Variants in TRDN observed in about 807,000 individuals in gnomAD.
TRDN encodes triadin in skeletal muscle.
A neutral mutation model predicts 149.7 loss-of-function variants in TRDN; 161 were observed. The ratio of observed to expected loss-of-function variants is 1.08; its 90% CI spans 0.95 to 1.23. TRDN has a LOEUF of 1.23. Among genes scored for constraint, TRDN ranks in the 50% most tolerant of loss-of-function variants. The pLI is 0.00. For missense variants in TRDN, 896 were observed against 823.5 expected (o/e 1.09, Z -1.08); for synonymous variants, 294 against 250.5 (o/e 1.17, Z -1.64).
At chr6:123,480,364 T>C (rs1777694393) in intron 9 of TRDN, among the ~76,000 whole-genome samples, 1 of 151,950 alleles carries the variant, frequency 6.6e-6, no homozygotes, top group African/African-American at 2.4e-5. Context: ...ACCTCTCACA[T>C]GTTAACATAC....
At chr6:123,341,825 A>G (rs1225254425) in intron 21 of TRDN, among the ~76,000 whole-genome samples, 3 of 152,000 alleles carry the variant, frequency 2.0e-5, no homozygotes, top group African/African-American at 7.2e-5. Flanking sequence ...ATTCTAGACA[A>G]GCTGGGCTGT....
intron 9 of TRDN, among the ~76,000 whole-genome samples, chr6:123,481,903 AG>A (rs1398870440): frequency 1.3e-5 from 2 of 152,184 alleles, no homozygotes; most frequent in Admixed American, 6.5e-5. Flanking sequence ...CATGTGAAAA[AG>A]GGTTGCTTCT....
At chr6:123,496,979 C>T (rs765522155) in intron 9 of TRDN, among the ~76,000 whole-genome samples, 1 of 151,982 alleles carries the variant, frequency 6.6e-6, no homozygotes, top group Non-Finnish European at 1.5e-5. Context: ...TTTTACATTT[C>T]AACTGACTTC....
At chr6:123,281,141 A>G (rs1345585586) in intron 24 of TRDN, among the ~76,000 whole-genome samples, 2 of 152,098 alleles carry the variant, frequency 1.3e-5, no homozygotes, top group Non-Finnish European at 2.9e-5. Context: ...AAAAAAGCAC[A>G]AATGTTAAAC....
intron 20 of TRDN, among the ~76,000 whole-genome samples, chr6:123,359,236 A>T (rs1780805265): frequency 6.6e-6 from 1 of 152,182 alleles, no homozygotes; most frequent in South Asian, 2.1e-4. Flanking sequence ...CAATCTTCCT[A>T]CAGTCTTCTA....
At chr6:123,436,241 G>T (rs775657862) in intron 12 of TRDN, among the ~76,000 whole-genome samples, 1 of 152,056 alleles carries the variant, frequency 6.6e-6, no homozygotes, top group Non-Finnish European at 1.5e-5. Flanking sequence ...CAGATTCATA[G>T]AGTCAGAACT....
intron 35 of TRDN, among the ~76,000 whole-genome samples, chr6:123,256,910 T>C (rs894013735): frequency 2.6e-5 from 4 of 152,026 alleles, no homozygotes; most frequent in Non-Finnish European, 4.4e-5. Flanking sequence ...ATGTCCTGAA[T>C]GGTATTCCCT....
chr6:123,553,235 C>T (rs1006413574), intron 2 of TRDN, among the ~76,000 whole-genome samples: 2 of 152,142 alleles, frequency 1.3e-5, no homozygotes, highest in African/African-American at 4.8e-5. Context: ...TCTTCAAGTG[C>T]TACACAACTG....
intron 5 of TRDN, among the ~76,000 whole-genome samples, chr6:123,526,297 G>C (rs1486314467): frequency 2.6e-5 from 4 of 152,004 alleles, no homozygotes. Flanking sequence ...TCTAGGAACT[G>C]ATAGATATGT....
intron 9 of TRDN, among the ~76,000 whole-genome samples, chr6:123,487,728 T>C (rs77995399): frequency 0.015 from 2,227 of 152,226 alleles, 48 homozygotes; most frequent in African/African-American, 0.05. Flanking sequence ...GATATCCTCA[T>C]TGTCTTATAA....
At chr6:123,586,346 G>A (rs1391988845) in intron 1 of TRDN, among the ~76,000 whole-genome samples, 2 of 152,198 alleles carry the variant, frequency 1.3e-5, no homozygotes, top group South Asian at 2.1e-4. Context: ...CTGGCGAGGA[G>A]GGGAGAGGTC....
intron 24 of TRDN, among the ~76,000 whole-genome samples, chr6:123,297,639 T>A (rs1253919046): frequency 6.6e-6 from 1 of 152,010 alleles, no homozygotes; most frequent in Non-Finnish European, 1.5e-5. Flanking sequence ...TATGGATGAG[T>A]TTAATTCTGA....
chr6:123,288,717 G>C (rs1777887152), intron 24 of TRDN, among the ~76,000 whole-genome samples: 1 of 152,024 alleles, frequency 6.6e-6, no homozygotes, highest in African/African-American at 2.4e-5. Flanking sequence ...TTATCAAAAA[G>C]ATGAATGATA....
In TRDN at chr6:123,288,144, G is replaced by T. The variant is rs1418421964; in HGVS notation, c.1511-9062C>A. Among the ~76,000 whole-genome samples, 26 of 151,964 alleles carry T rather than the reference G, an allele frequency of 1.7e-4. 2 individuals carry two copies. The highest frequency in any genetic ancestry group is 1.6e-3 in the Admixed American group (24 of 15,220). Reference sequence around the variant, plus strand: ...GTTCCAAAAACACACAATAGGAAAAGAACAATCTCTTTAATAAACAGTGCC... The same window carrying T: ...GTTCCAAAAACACACAATAGGAAAATAACAATCTCTTTAATAAACAGTGCC... On this transcript the variant is annotated intron_variant, in intron 24 of 40. Coordinates refer to ENST00000334268, the MANE Select transcript of TRDN (RefSeq NM_006073.4).
At chr6:123,371,400 T>C (rs141975118) in intron 19 of TRDN, among the ~76,000 whole-genome samples, 18 of 152,236 alleles carry the variant, frequency 1.2e-4, no homozygotes, top group African/African-American at 3.6e-4. Flanking sequence ...TCCGTCCTAT[T>C]GGGAAATTTG....
chr6:123,344,825 AG>A (rs1025720448), intron 21 of TRDN, among the ~76,000 whole-genome samples: 39 of 152,130 alleles, frequency 2.6e-4, no homozygotes, highest in African/African-American at 9.1e-4. Context: ...GCATCGTGAG[AG>A]TAAGGTTAGT....
chr6:123,346,100 G>C (rs1780237024), intron 21 of TRDN, among the ~76,000 whole-genome samples: 1 of 152,038 alleles, frequency 6.6e-6, no homozygotes, highest in Non-Finnish European at 1.5e-5. Context: ...TCCTTGCCGT[G>C]TTCCTGACCT....
chr6:123,269,045 C>T (rs902618561), intron 31 of TRDN, among the ~76,000 whole-genome samples: 1 of 151,934 alleles, frequency 6.6e-6, no homozygotes, highest in African/African-American at 2.4e-5. Flanking sequence ...ATGCAAGAGC[C>T]AGAATATATT....
intron 27 of TRDN, among the ~76,000 whole-genome samples, chr6:123,274,271 T>C (rs916077611): frequency 2.6e-5 from 4 of 152,114 alleles, no homozygotes; most frequent in African/African-American, 9.7e-5. Context: ...TTTATGATTT[T>C]ATAATTCTGG....
Sources: allele counts gnomAD v4.1 joint callset (sites outside exome capture counted in the v4.1 genomes callset), GRCh38; gene constraint gnomAD v4.1.1; transcripts MANE v1.5; gene names NCBI Gene and HGNC (gene_info 2026-07-23, HGNC 2026-07-21).